Variants in TSC2 observed in about 807,000 individuals in gnomAD.
TSC2 encodes TSC complex subunit 2.
Under a neutral mutation model 202.2 loss-of-function variants are expected in TSC2, and 29 were observed. That is an observed-to-expected ratio of 0.14 (90% CI 0.11 to 0.20). The LOEUF (loss-of-function observed/expected upper bound fraction) is 0.20, where lower values mean the gene tolerates loss of function less well. Ranked by LOEUF, TSC2 falls within the 10% of genes least tolerant of loss-of-function variation. The pLI is 1.00. For missense variants in TSC2, 2,429 were observed against 2,420.0 expected (o/e 1.00, Z -0.08); for synonymous variants, 1,349 against 1,044.0 (o/e 1.29, Z -5.63).
At chr16:2,067,987 C>T (rs1021098765) in intron 16 of TSC2, among the ~76,000 whole-genome samples, 1 of 152,188 alleles carries the variant, frequency 6.6e-6, no homozygotes, top group Non-Finnish European at 1.5e-5. Context: ...GTCTGGGCTG[C>T]AGAACTGAGA....
chr16:2,050,575 G>C, intron 3 of TSC2, 89 bp downstream of exon 3: 1 of 1,007,546 alleles, frequency 9.9e-7, no homozygotes, highest in Non-Finnish European at 1.5e-6. Flanking sequence ...GTTGACAGCT[G>C]ACTGCCGATG....
At chr16:2,053,911 T>C (rs1174683232) in intron 4 of TSC2, 1 of 442,378 alleles carries the variant, frequency 2.3e-6, no homozygotes, top group Non-Finnish European at 4.4e-6. Flanking sequence ...TCCCAGCTGC[T>C]CAGAAGGGCC....
At chr16:2,063,134 G>A (rs936386837) in intron 14 of TSC2, 81 bp downstream of exon 14, 15 of 1,490,100 alleles carry the variant, frequency 1.0e-5, no homozygotes, top group African/African-American at 2.8e-5. Context: ...ACGTGCTCCC[G>A]CAGAGCCGGG....
rs397515309 is a variant in TSC2, at chr16:2,055,505, C to T, written c.585C>T (p.Ile195=). The change falls in exon 6 of 42, where the codon ATC becomes ATT. Residue 195 remains isoleucine (I), a synonymous_variant. Coordinates refer to ENST00000219476, the MANE Select transcript of TSC2 (RefSeq NM_000548.5). The stretch of plus-strand genomic sequence containing the variant: ...ATAGCTGTTACCTCGACGAGTACAT[C>T]GCAAGGATGGTTCAGTAAGAAAAGA... The part of the protein sequence containing the change: ...KFNSCYLDEY[I]ARMVQMICLL... 25 of 1,613,690 alleles carry T rather than the reference C, an allele frequency of 1.5e-5. No individual in the cohort carries two copies. Among genetic ancestry groups the T allele is most frequent in the African/African-American group, 5.3e-5 (4 of 74,908 alleles).
rs148749758 is a variant in TSC2, at chr16:2,052,494, G to A, written c.226-848G>A. Among the ~76,000 whole-genome samples, 717 of 152,188 alleles carry A rather than the reference G, an allele frequency of 4.7e-3. 1 individual carries two copies. Among genetic ancestry groups the A allele is most frequent in the Non-Finnish European group, 6.3e-3 (431 of 68,010 alleles). On this transcript the variant is annotated intron_variant, in intron 3 of 41. Coordinates refer to ENST00000219476, the MANE Select transcript of TSC2 (RefSeq NM_000548.5). Reference sequence around the variant, plus strand: ...CTGGCTAAGTTTTGTATTTTTTGTCGTGACAGGGTCTCACTGTGTTGCCCA... The same window carrying A: ...CTGGCTAAGTTTTGTATTTTTTGTCATGACAGGGTCTCACTGTGTTGCCCA...
intron 38 of TSC2, 97 bp downstream of exon 38, chr16:2,086,968 G>T: frequency 6.6e-7 from 1 of 1,519,320 alleles, no homozygotes. Flanking sequence ...CTTCGGTCAC[G>T]AGGAGCAGGA....
At chr16:2,064,479 G>A (rs928924724) in intron 15 of TSC2, 52 bp downstream of exon 15, 15 of 1,610,316 alleles carry the variant, frequency 9.3e-6, no homozygotes, top group Non-Finnish European at 1.2e-5. Context: ...AGCTCCGTGG[G>A]CAGCAATGGC....
At chr16:2,053,285 C>G in intron 3 of TSC2, 57 bp from the exon 4 acceptor site, 1 of 1,526,824 alleles carries the variant, frequency 6.5e-7, no homozygotes, top group Non-Finnish European at 8.9e-7. Context: ...CTCCAGTTGC[C>G]GGGGCCAGGG....
At chr16:2,073,326 G>A (rs2088778547) in intron 21 of TSC2, among the ~76,000 whole-genome samples, 1 of 152,182 alleles carries the variant, frequency 6.6e-6, no homozygotes, top group Non-Finnish European at 1.5e-5. Flanking sequence ...CGCAGGGTGG[G>A]CAGGCCAGAG....
At chr16:2,057,550 C>T (rs1349180129) in intron 9 of TSC2, among the ~76,000 whole-genome samples, 1 of 152,288 alleles carries the variant, frequency 6.6e-6, no homozygotes, top group Non-Finnish European at 1.5e-5. Context: ...TTAGAGATGG[C>T]TCAGCTCTGC....
Position 2,061,882 on chromosome 16 carries a change from C to G in TSC2, c.1131C>G (p.Ser377Arg), listed in dbSNP as rs201525586. 1 of 1,614,008 alleles carries G rather than the reference C, an allele frequency of 6.2e-7. No individual in the cohort carries two copies. The highest frequency in any genetic ancestry group is 8.5e-7 in the Non-Finnish European group (1 of 1,180,028). ...RLLQQLQTLD[S>R]PELRTIVHDL... The stretch of plus-strand genomic sequence containing the variant: ...GCCTGGTACTGCAGACCTTGGACAG[C>G]CCGGAGCTCAGGACCATCGTCCATG... Residue 377 changes from serine to arginine, a missense_variant, in exon 12 of 42, where the codon AGC becomes AGG. Transcript: ENST00000219476.
chr16:2,056,602 A>T (rs1596277440), intron 7 of TSC2, 42 bp from the exon 8 acceptor site: 1 of 1,602,008 alleles, frequency 6.2e-7, no homozygotes, highest in South Asian at 1.1e-5. Flanking sequence ...TGTGGGGAGG[A>T]GCTGGGGTAG....
intron 14 of TSC2, chr16:2,063,498 C>G: frequency 3.5e-6 from 1 of 288,608 alleles, no homozygotes. Context: ...CTCTGTGGCC[C>G]CAGGCCCACC....
chr16:2,069,702 G>A (rs562967885), intron 16 of TSC2, among the ~76,000 whole-genome samples: 1 of 152,286 alleles, frequency 6.6e-6, no homozygotes, highest in South Asian at 2.1e-4. Flanking sequence ...GGATGGTCTT[G>A]ATCTCCTGAC....
chr16:2,064,790 C>T (rs768139758), intron 15 of TSC2: 73 of 375,100 alleles, frequency 1.9e-4, no homozygotes, highest in Non-Finnish European at 3.1e-4. Flanking sequence ...CACAGTCACT[C>T]GGGTATAAAG....
intron 17 of TSC2, 134 bp from the exon 18 acceptor site, chr16:2,071,376 T>G: frequency 4.9e-6 from 4 of 811,060 alleles, no homozygotes; most frequent in African/African-American, 1.7e-5. Context: ...TGTTGGGATG[T>G]GGGTGTGTGC....
In TSC2 at chr16:2,058,763, G is replaced by A. The variant is rs750060649; in HGVS notation, c.865G>A (p.Ala289Thr). ...CACTTTTAGAGCCTACATGGAGGAC[G>A]CGCCCCTGCTGAGAGGAGCCGTGTT... Reference protein sequence around the residue: ...LMEDRAYMEDAPLLRGAVFFV... With the variant: ...LMEDRAYMEDTPLLRGAVFFV... The change falls in exon 10 of 42, where the codon GCG (alanine) becomes ACG (threonine). Residue 289 changes from alanine to threonine, a missense_variant. Physicochemically the swap from Ala to Thr is moderately conservative, Grantham distance 58. Coordinates refer to ENST00000219476, the MANE Select transcript of TSC2 (RefSeq NM_000548.5). 8 of 1,585,882 alleles carry A rather than the reference G, an allele frequency of 5.0e-6. No individual in the cohort carries two copies. Among genetic ancestry groups the A allele is most frequent in the South Asian group, 2.3e-5 (2 of 87,170 alleles).
rs774441486 is a variant in TSC2 at position 2,084,991 on chromosome 16, G to C, written c.4534G>C (p.Asp1512His). ...GCTCTACCATTCCCCCTTCTTTGGC[G>C]ACGAGTCAAACAAGCCAATCCTGCT... Reference protein sequence around the residue: ...LQLYHSPFFGDESNKPILLPN... With the variant: ...LQLYHSPFFGHESNKPILLPN... The change falls in exon 35 of 42, where the codon GAC becomes CAC. Residue 1512 changes from aspartate (D) to histidine (H), a missense_variant. Physicochemically the swap from Asp to His is moderately conservative, Grantham distance 81. Coordinates refer to ENST00000219476, the MANE Select transcript of TSC2 (RefSeq NM_000548.5). 6.2e-7 allele frequency: 1 copy of C among 1,613,254 alleles called. No homozygotes were observed. Among genetic ancestry groups the C allele is most frequent in the African/African-American group, 1.3e-5 (1 of 75,054 alleles).
At position 2,071,885 on chromosome 16, in the gene TSC2, C is replaced by T. The variant is rs919334398; in HGVS notation, c.2048C>T (p.Ser683Phe). Residue 683 changes from serine to phenylalanine, a missense_variant, in exon 19 of 42, where the codon TCC (serine) becomes TTC (phenylalanine). Transcript: ENST00000219476. The part of the protein sequence containing the change: ...APAGPAVRLG[S>F]VPYSLLFRVL... ...GCAGGCCCCGCCGTGCGGCTGGGGT[C>T]CGTGCCCTACTCCCTGCTCTTCCGC... 1 of 1,597,164 alleles carries T rather than the reference C, an allele frequency of 6.3e-7. No homozygotes were observed.
Sources: allele counts gnomAD v4.1 joint callset (sites outside exome capture counted in the v4.1 genomes callset), GRCh38; gene constraint gnomAD v4.1.1; transcripts MANE v1.5; gene names NCBI Gene and HGNC (gene_info 2026-07-23, HGNC 2026-07-21).